Variants in CENPN observed in about 807,000 individuals in gnomAD.
CENPN encodes interphase centromere complex protein 32.
A neutral mutation model predicts 48.6 loss-of-function variants in CENPN; 36 were observed. That is an observed-to-expected ratio of 0.74 (90% CI 0.57 to 0.98). CENPN has a LOEUF of 0.98. Among genes scored for constraint, CENPN ranks in the 50% least tolerant of loss-of-function variants. The pLI, the probability that CENPN is intolerant of heterozygous loss-of-function variation, is 0.00. For synonymous variants in CENPN, 166 were observed against 135.2 expected, an observed-to-expected ratio of 1.23 and a Z score of -1.58; for missense variants, 439 against 399.2, an observed-to-expected ratio of 1.10 and a Z score of -0.85.
At chr16:81,021,044 A>G (rs1056594888) in intron 6 of CENPN, among the ~76,000 whole-genome samples, 11 of 152,030 alleles carry the variant, frequency 7.2e-5, no homozygotes, top group Admixed American at 2.0e-4. Context: ...GTGAGCCCAT[A>G]TCGCACCATT....
In CENPN at chr16:81,011,878, C is replaced by G. The variant is rs1969754984; in HGVS notation, c.-10-52C>G. ...ATGTGTATGTGTAAATAAAGACAGA[C>G]AAGTATTGTATTTGGTTAATACTTT... On this transcript the variant is annotated intron_variant, in intron 1 of 10. Coordinates refer to ENST00000305850, the MANE Select transcript of CENPN (RefSeq NM_001100624.3). 12 of 1,409,986 alleles carry G rather than the reference C, an allele frequency of 8.5e-6. No homozygotes were observed. The East Asian group carries it at 2.7e-4, about 32-fold the overall frequency. The allele number at this position is 1,409,986 out of a possible 1,614,324, so 87.3% of individuals were successfully genotyped here.
intron 9 of CENPN, 41 bp from the exon 10 acceptor site, chr16:81,028,130 T>C (rs200805588): frequency 3.5e-6 from 5 of 1,414,938 alleles, no homozygotes; most frequent in African/African-American, 2.8e-5. Context: ...TTCGTATTTA[T>C]ACAATATGTT....
intron 5 of CENPN, 34 bp downstream of exon 5, chr16:81,017,868 A>C: frequency 7.7e-7 from 1 of 1,297,654 alleles, no homozygotes; most frequent in South Asian, 1.3e-5. Flanking sequence ...CATAAAATTC[A>C]ATGTCATGAC....
At chr16:81,018,613 G>C (rs181755623) in intron 5 of CENPN, among the ~76,000 whole-genome samples, 1 of 152,240 alleles carries the variant, frequency 6.6e-6, no homozygotes, top group East Asian at 1.9e-4. Context: ...GTAAAACAAA[G>C]AAGCTATTCA....
intron 5 of CENPN, among the ~76,000 whole-genome samples, chr16:81,018,539 TC>T (rs1368063246): frequency 6.6e-6 from 1 of 152,176 alleles, no homozygotes; most frequent in Non-Finnish European, 1.5e-5. Flanking sequence ...AGCTAGTAGT[TC>T]CAGTAATAGT....
chr16:81,017,839 G>C lies in CENPN; in HGVS notation c.354+5G>C. 1 of 1,462,744 alleles carries C rather than the reference G, an allele frequency of 6.8e-7. No individual in the cohort carries two copies. Among genetic ancestry groups the C allele is most frequent in the South Asian group, 1.2e-5 (1 of 82,158 alleles). 90.6% of individuals were successfully genotyped at this position (1,462,744 alleles called of 1,614,324 possible). Reference sequence around the variant, plus strand: ...CTTCAGAGAGCATTAAAAAATGTAAGAATAAAATTCATCTTTTACATAAAA... The same window carrying C: ...CTTCAGAGAGCATTAAAAAATGTAACAATAAAATTCATCTTTTACATAAAA... On this transcript the variant is annotated splice_donor_5th_base_variant and intron_variant, in intron 5 of 10. Coordinates refer to ENST00000305850, the MANE Select transcript of CENPN (RefSeq NM_001100624.3).
chr16:81,026,054 T>G (rs1030667995), intron 8 of CENPN, among the ~76,000 whole-genome samples: 11 of 122,724 alleles, frequency 9.0e-5, no homozygotes, highest in South Asian at 5.0e-4. Context: ...GCCATGGAGA[T>G]ATATATATAT....
At chr16:81,027,393 G>A (rs376182255) in intron 9 of CENPN, among the ~76,000 whole-genome samples, 2 of 152,240 alleles carry the variant, frequency 1.3e-5, no homozygotes, top group South Asian at 2.1e-4. Context: ...ACTGAAGCGG[G>A]AGAATGGCTT....
chr16:81,022,798 T>C, intron 7 of CENPN, 100 bp downstream of exon 7: 1 of 1,613,880 alleles, frequency 6.2e-7, no homozygotes, highest in East Asian at 2.2e-5. Context: ...CAAGAGGAGA[T>C]CATTTTAGAT....
chr16:81,012,825 C>T (rs1336659661), intron 2 of CENPN, among the ~76,000 whole-genome samples: 2 of 152,162 alleles, frequency 1.3e-5, no homozygotes, highest in African/African-American at 4.8e-5. Context: ...AAACTCCTGA[C>T]CTCAGGTGAT....
chr16:81,029,105 T>C lies in CENPN; in HGVS notation c.*454T>C. On this transcript the variant is annotated 3_prime_UTR_variant, in exon 11 of 11. Coordinates refer to ENST00000305850, the MANE Select transcript of CENPN (RefSeq NM_001100624.3). ...AGGAACTATACTCAACTCAAAACTT[T>C]TTAGGAGAATCATGAAATTGGTCTA... is the stretch of plus-strand genomic sequence containing the variant. 8.1e-6 allele frequency: 8 copies of C among 985,814 alleles called. No individual in the cohort carries two copies. The highest frequency in any genetic ancestry group is 9.6e-6 in the Non-Finnish European group (8 of 830,238). The allele number at this position is 985,814 out of a possible 1,614,324, so 61.1% of individuals were successfully genotyped here. A position where few individuals can be genotyped will look rare whatever the true frequency, so the allele number is the denominator to read the frequency against.
chr16:81,028,476 C>G (rs1970613361), intron 10 of CENPN, 93 bp from the exon 11 acceptor site: 1 of 1,554,634 alleles, frequency 6.4e-7, no homozygotes, highest in South Asian at 1.2e-5. Context: ...ATGATCCACC[C>G]TCTAATCTCA....
intron 1 of CENPN, 89 bp from the exon 2 acceptor site, chr16:81,011,841 T>C: frequency 2.7e-6 from 3 of 1,109,098 alleles, no homozygotes; most frequent in Non-Finnish European, 3.9e-6. Context: ...TGTCTCTATT[T>C]TTCATATGTG....
intron 5 of CENPN, among the ~76,000 whole-genome samples, chr16:81,018,642 T>C (rs1970034436): frequency 6.6e-6 from 1 of 152,196 alleles, no homozygotes; most frequent in Non-Finnish European, 1.5e-5. Flanking sequence ...CAATCTTCCA[T>C]TCAAGGCAGT....
Position 81,030,427 on chromosome 16 carries a change from G to C in CENPN, c.*1776G>C, listed in dbSNP as rs934681227. ...GGAGGGGGTTTCCCCCACACATTAA[G>C]CAAGTGTGAAACATGATATAGAAAA... is the stretch of plus-strand genomic sequence containing the variant. On this transcript the variant is annotated 3_prime_UTR_variant, in exon 11 of 11. Transcript: ENST00000305850. 1 of 982,864 alleles carries C rather than the reference G, an allele frequency of 1.0e-6. No individual in the cohort carries two copies. The highest frequency in any genetic ancestry group is 1.2e-6 in the Non-Finnish European group (1 of 827,788). 60.9% of individuals were successfully genotyped at this position (982,864 alleles called of 1,614,324 possible). A position where few individuals can be genotyped will look rare whatever the true frequency, so the allele number is the denominator to read the frequency against.
intron 5 of CENPN, 96 bp from the exon 6 acceptor site, chr16:81,020,004 G>A: frequency 9.9e-7 from 1 of 1,011,860 alleles, no homozygotes; most frequent in Non-Finnish European, 1.4e-6. Flanking sequence ...CAAGAGTATA[G>A]GGACATCATT....
rs1970147608 is a variant in CENPN, at chr16:81,020,681, C to G, written c.531+405C>G. On this transcript the variant is annotated intron_variant, in intron 6 of 10. Transcript: ENST00000305850. Reference sequence around the variant, plus strand: ...TTAATATAAAAAAATGCAACCGATACAGAAGTCTCTAAAGATAAAAAGTCT... The same window carrying G: ...TTAATATAAAAAAATGCAACCGATAGAGAAGTCTCTAAAGATAAAAAGTCT... Among the ~76,000 whole-genome samples, 2 of 152,256 alleles carry G rather than the reference C, an allele frequency of 1.3e-5. 1 individual carries two copies. Among genetic ancestry groups the G allele is most frequent in the Admixed American group, 1.3e-4 (2 of 15,288 alleles).
chr16:81,032,468 G>T (rs867928666), downstream of CENPN: 6 of 1,218,804 alleles, frequency 4.9e-6, no homozygotes, highest in Middle Eastern at 8.7e-4. Context: ...TCATCACTCT[G>T]ATGCCTCCCC....
chr16:81,032,732 A>T, downstream of CENPN: 1 of 1,578,168 alleles, frequency 6.3e-7, no homozygotes, highest in Non-Finnish European at 8.6e-7. Flanking sequence ...TTAAATGGTT[A>T]ATCAAATGTA....
Sources: allele counts gnomAD v4.1 joint callset (sites outside exome capture counted in the v4.1 genomes callset), GRCh38; gene constraint gnomAD v4.1.1; transcripts MANE v1.5; gene names NCBI Gene and HGNC (gene_info 2026-07-23, HGNC 2026-07-21).